The following HMOX2 variants were observed in gnomAD, a reference collection of about 807,000 sequenced individuals.
HMOX2 encodes the protein heme oxygenase (decycling) 2.
In HMOX2, 30 loss-of-function variants were observed where a neutral mutation model predicts 33.7. The observed-to-expected ratio is 0.89, with a 90% CI of 0.67 to 1.21. HMOX2 has a LOEUF of 1.21. HMOX2 is among the 50% of genes most tolerant of loss of function. The pLI is 0.00. For synonymous variants in HMOX2, 155 were observed against 155.0 expected, an observed-to-expected ratio of 1.00 and a Z score of 0.00; for missense variants, 403 against 399.1, an observed-to-expected ratio of 1.01 and a Z score of -0.08.
intron 1 of HMOX2, among the ~76,000 whole-genome samples, chr16:4,477,858 T>C (rs1156845068): frequency 1.3e-5 from 2 of 152,156 alleles, no homozygotes; most frequent in Admixed American, 6.5e-5. Context: ...GAAGTGGAGA[T>C]TGCAGTGAGC....
chr16:4,509,901 G>T lies in HMOX2; in HGVS notation c.*145G>T. 1.2e-6 allele frequency: 1 copy of T among 867,714 alleles called. No homozygotes were observed. The highest frequency in any genetic ancestry group is 1.7e-6 in the Non-Finnish European group (1 of 572,570). 53.8% of individuals were successfully genotyped at this position (867,714 alleles called of 1,614,324 possible). Reference sequence around the variant, plus strand: ...GGCAACCAATAAAAGCCAGATGCTAGAGCCTCTGCCTGACAGCATCCTCTC... The same window carrying T: ...GGCAACCAATAAAAGCCAGATGCTATAGCCTCTGCCTGACAGCATCCTCTC... On this transcript the variant is annotated 3_prime_UTR_variant, in exon 6 of 6. Coordinates refer to ENST00000570646, the MANE Select transcript of HMOX2 (RefSeq NM_002134.4).
intron 1 of HMOX2, among the ~76,000 whole-genome samples, chr16:4,499,616 T>C (rs1490919376): frequency 6.6e-6 from 1 of 152,166 alleles, no homozygotes; most frequent in Non-Finnish European, 1.5e-5. Flanking sequence ...ATAGTTAATA[T>C]GGTTAATATT....
At chr16:4,479,310 C>T (rs1017892101) in intron 1 of HMOX2, among the ~76,000 whole-genome samples, 12 of 152,080 alleles carry the variant, frequency 7.9e-5, no homozygotes, top group African/African-American at 2.9e-4. Flanking sequence ...GGTTTCCAAA[C>T]GCTTCTTTTT....
chr16:4,476,613 G>T (rs1407054556), intron 1 of HMOX2, 126 bp downstream of exon 1: 1 of 152,292 alleles, frequency 6.6e-6, no homozygotes, highest in Non-Finnish European at 1.5e-5. Context: ...CAGCCCTTTG[G>T]GTCCCCTGCG....
Position 4,501,151 on chromosome 16 carries a change from C to G in HMOX2, c.-41-4333C>G, listed in dbSNP as rs973418509. Among the ~76,000 whole-genome samples, 54 of 152,098 alleles carry G rather than the reference C, an allele frequency of 3.6e-4. 1 individual carries two copies. Among genetic ancestry groups the G allele is most frequent in the African/African-American group, 1.3e-3 (53 of 41,414 alleles). On this transcript the variant is annotated intron_variant, in intron 1 of 5. Coordinates refer to ENST00000570646, the MANE Select transcript of HMOX2 (RefSeq NM_002134.4). ...TTTCTTTTTTCCCTTCCCTTCGCTG[C>G]CTTCCCCTCCCTCTTCCCTTTTTCT... is the stretch of plus-strand genomic sequence containing the variant.
chr16:4,477,301 C>G (rs1459111285), intron 1 of HMOX2, among the ~76,000 whole-genome samples: 3 of 149,874 alleles, frequency 2.0e-5, no homozygotes, highest in Non-Finnish European at 4.5e-5. Flanking sequence ...GAGTCCGAGA[C>G]CAGCCTGGCC....
chr16:4,483,013 G>C (rs1213877633), intron 1 of HMOX2, among the ~76,000 whole-genome samples: 1 of 151,906 alleles, frequency 6.6e-6, no homozygotes, highest in Admixed American at 6.6e-5. Flanking sequence ...CAGCCTGGGC[G>C]ACAGACTGGA....
At chr16:4,509,373 C>T in intron 4 of HMOX2, 39 bp from the exon 5 acceptor site, 1 of 1,583,834 alleles carries the variant, frequency 6.3e-7, no homozygotes, top group Non-Finnish European at 8.5e-7. Context: ...AAAGTATGGG[C>T]AGCCCAAAGA....
chr16:4,475,095 G>A (rs887566606), upstream of HMOX2, among the ~76,000 whole-genome samples: 5 of 151,926 alleles, frequency 3.3e-5, no homozygotes, highest in African/African-American at 1.2e-4. Context: ...GGGATTACAA[G>A]CATGTGCCAC....
intron 1 of HMOX2, chr16:4,479,639 A>G (rs1306208266): frequency 6.6e-6 from 1 of 151,906 alleles, no homozygotes; most frequent in East Asian, 1.9e-4. Flanking sequence ...AATTACTGTC[A>G]TAGTTCTCAG....
At chr16:4,475,985 C>A (rs1297546920), upstream of HMOX2, 2 of 152,168 alleles carry the variant, frequency 1.3e-5, no homozygotes, top group Non-Finnish European at 2.9e-5. Context: ...TTGAAGAATG[C>A]GAATAATGCA....
At chr16:4,490,344 C>G (rs1290975363) in intron 1 of HMOX2, among the ~76,000 whole-genome samples, 1 of 152,152 alleles carries the variant, frequency 6.6e-6, no homozygotes, top group Non-Finnish European at 1.5e-5. Flanking sequence ...AAGCCATCCT[C>G]CCTGCAGTTC....
chr16:4,490,150 A>G (rs762653448), intron 1 of HMOX2, among the ~76,000 whole-genome samples: 6 of 152,248 alleles, frequency 3.9e-5, no homozygotes, highest in Non-Finnish European at 7.3e-5. Context: ...CAAAAGGCTT[A>G]CTTAGGTAGC....
Position 4,507,803 on chromosome 16 carries a change from T to C in HMOX2, c.295T>C (p.Phe99Leu), listed in dbSNP as rs1217639891. 1.2e-6 allele frequency: 2 copies of C among 1,614,044 alleles called. No homozygotes were observed. Among genetic ancestry groups the C allele is most frequent in the African/African-American group, 2.7e-5 (2 of 74,920 alleles). The change falls in exon 4 of 6, where the codon TTC becomes CTC. Residue 99 changes from phenylalanine (F) to leucine (L), a missense_variant. Physicochemically the swap from Phe to Leu is conservative, Grantham distance 22. Transcript: ENST00000570646. ...CCATCCAGCCTTTGCCCCTTTGTAC[T>C]TCCCCATGGAGCTGCACCGGAAGGA... ...KDHPAFAPLY[F>L]PMELHRKEAL...
intron 1 of HMOX2, among the ~76,000 whole-genome samples, chr16:4,485,234 A>T (rs905735743): frequency 1.3e-5 from 2 of 152,102 alleles, no homozygotes; most frequent in Non-Finnish European, 2.9e-5. Context: ...CCAAAGTGCT[A>T]TGATTACAGG....
At chr16:4,503,141 A>G (rs908777231) in intron 1 of HMOX2, among the ~76,000 whole-genome samples, 4 of 152,304 alleles carry the variant, frequency 2.6e-5, no homozygotes, top group African/African-American at 7.2e-5. Flanking sequence ...TACCAAAAAA[A>G]AAAAAGAAAA....
intron 1 of HMOX2, among the ~76,000 whole-genome samples, chr16:4,499,744 C>A (rs1372676409): frequency 1.3e-5 from 2 of 152,036 alleles, no homozygotes. Context: ...TTAATTATTC[C>A]CCAATGTATA....
At chr16:4,494,847 C>A (rs1234792503) in intron 1 of HMOX2, among the ~76,000 whole-genome samples, 2 of 152,052 alleles carry the variant, frequency 1.3e-5, no homozygotes, top group Non-Finnish European at 2.9e-5. Context: ...CCACTGCACT[C>A]CAGCCTGCGT....
intron 1 of HMOX2, among the ~76,000 whole-genome samples, chr16:4,489,869 C>T (rs991610106): frequency 6.6e-6 from 1 of 152,220 alleles, no homozygotes; most frequent in Non-Finnish European, 1.5e-5. Context: ...CCTCAGCCTC[C>T]CAAAGTGTTG....
Sources: allele counts gnomAD v4.1 joint callset (sites outside exome capture counted in the v4.1 genomes callset), GRCh38; gene constraint gnomAD v4.1.1; transcripts MANE v1.5; gene names NCBI Gene and HGNC (gene_info 2026-07-23, HGNC 2026-07-21).